The following COG7 variants were observed in gnomAD, a reference collection of about 807,000 sequenced individuals.
COG7 encodes component of oligomeric golgi complex 7, also known as conserved oligomeric Golgi complex subunit 7.
COG7 carries 49 observed loss-of-function variants against 91.5 expected under a neutral mutation model. That is an observed-to-expected ratio of 0.54 (90% CI 0.43 to 0.68). The LOEUF (loss-of-function observed/expected upper bound fraction) is 0.68, where lower values mean the gene tolerates loss of function less well. COG7 is among the 30% of genes least tolerant of loss of function. The pLI is 0.00. For missense variants in COG7, 895 were observed against 961.3 expected, an observed-to-expected ratio of 0.93 and a Z score of 0.91; for synonymous variants, 365 against 388.7, an observed-to-expected ratio of 0.94 and a Z score of 0.72.
At chr16:23,400,642 A>G (rs546180137) in intron 13 of COG7, among the ~76,000 whole-genome samples, 4 of 152,194 alleles carry the variant, frequency 2.6e-5, no homozygotes, top group Non-Finnish European at 4.4e-5. Context: ...GAAGAAGCGC[A>G]AGACAGAGTG....
chr16:23,416,996 C>G lies in COG7; in HGVS notation c.1263G>C (p.Leu421=), dbSNP rs1371185037. The G allele has an allele frequency of 6.2e-7, 1 of 1,614,224 alleles. No homozygotes were observed. Among genetic ancestry groups the G allele is most frequent in the South Asian group, 1.1e-5 (1 of 91,084 alleles). The stretch of plus-strand genomic sequence containing the variant: ...CAAAGAGGGATTTCAGGGCTGACAA[C>G]AGGCCGCAGGTCCCCAGGCCATTGG... The part of the protein sequence containing the change: ...RFTNGLGTCG[L]LSALKSLFAK... Residue 421 remains leucine (L), a synonymous_variant, in exon 9 of 17, where the codon CTG becomes CTC. Transcript: ENST00000307149.
chr16:23,403,643 G>C (rs779643665), intron 13 of COG7, 51 bp downstream of exon 13: 1 of 1,609,900 alleles, frequency 6.2e-7, no homozygotes, highest in Non-Finnish European at 8.5e-7. Flanking sequence ...CAGTATGCTT[G>C]AGTTGGAGGC....
intron 4 of COG7, among the ~76,000 whole-genome samples, chr16:23,435,179 C>G (rs900960707): frequency 5.3e-5 from 8 of 152,152 alleles, no homozygotes. Flanking sequence ...GCCTGGCCAA[C>G]ATGGCAAAAC....
intron 1 of COG7, among the ~76,000 whole-genome samples, chr16:23,451,137 G>A (rs1964258539): frequency 6.6e-6 from 1 of 152,206 alleles, no homozygotes; most frequent in Non-Finnish European, 1.5e-5. Context: ...AGGTTGCAGT[G>A]AGCTGAGATG....
intron 10 of COG7, chr16:23,413,090 A>G: frequency 3.6e-6 from 1 of 281,536 alleles, no homozygotes; most frequent in Non-Finnish European, 6.8e-6. Flanking sequence ...GGATCCGATC[A>G]CCTATGCATT....
chr16:23,433,572 C>T lies in COG7; in HGVS notation c.783G>A (p.Trp261Ter). ...TGLYDALLGA[W>*]HTQIQWATQV... ...GTGTAGCCCACTGGATTTGTGTGTG[C>T]CAAGCACCAAGCAAGGCATCATAGA... Residue 261 changes from tryptophan to a stop codon, truncating the protein, a stop_gained, in exon 6 of 17, where the codon TGG (tryptophan) becomes TGA (stop). Transcript: ENST00000307149. LOFTEE classifies it high-confidence loss of function. 1 of 1,614,038 alleles carries T rather than the reference C, an allele frequency of 6.2e-7. No individual in the cohort carries two copies.
rs202038832 is a variant in COG7 at position 23,434,695 on chromosome 16, C to T, written c.628G>A (p.Val210Met). 2.5e-6 allele frequency: 4 copies of T among 1,613,036 alleles called. No individual in the cohort carries two copies. Among genetic ancestry groups the T allele is most frequent in the Non-Finnish European group, 2.5e-6 (3 of 1,179,018 alleles). ...GGCATCCGGTCAATTTCAGTAAACA[C>T]CTTCACAAACACTTTGGACTGATCT... ...AVDQSKVFVK[V>M]FTEIDRMPQL... The change falls in exon 5 of 17, where the codon GTG (valine) becomes ATG (methionine). Residue 210 changes from valine (V) to methionine (M), a missense_variant. Coordinates refer to ENST00000307149, the MANE Select transcript of COG7 (RefSeq NM_153603.4).
At chr16:23,433,795 T>A in intron 5 of COG7, 128 bp from the exon 6 acceptor site, 1 of 938,630 alleles carries the variant, frequency 1.1e-6, no homozygotes, top group Non-Finnish European at 1.6e-6. Context: ...CCCAGTGAGG[T>A]CCATTCACTT....
intron 6 of COG7, among the ~76,000 whole-genome samples, chr16:23,433,099 T>C (rs1238790862): frequency 1.3e-5 from 2 of 152,162 alleles, no homozygotes; most frequent in Admixed American, 1.3e-4. Context: ...GTTATCGTTT[T>C]TTCTTTTGTT....
At chr16:23,414,282 C>G (rs1963616924) in intron 9 of COG7, 1 of 152,290 alleles carries the variant, frequency 6.6e-6, no homozygotes, top group African/African-American at 2.4e-5. Flanking sequence ...CACTTGAGCT[C>G]AAGGAGTTCG....
At chr16:23,432,255 G>A (rs557341144) in intron 6 of COG7, among the ~76,000 whole-genome samples, 9 of 152,176 alleles carry the variant, frequency 5.9e-5, no homozygotes, top group Middle Eastern at 3.4e-3. Context: ...GACATGACCC[G>A]GTATAAGGAA....
intron 7 of COG7, among the ~76,000 whole-genome samples, chr16:23,419,614 T>C (rs1243962190): frequency 6.7e-6 from 1 of 150,184 alleles, no homozygotes; most frequent in African/African-American, 2.5e-5. Context: ...CCGGGCGTAG[T>C]GGCGGGCACC....
intron 7 of COG7, among the ~76,000 whole-genome samples, chr16:23,422,764 C>T (rs967735126): frequency 6.6e-6 from 1 of 151,876 alleles, no homozygotes; most frequent in African/African-American, 2.4e-5. Context: ...TAATCTAGGT[C>T]AGGTGTGGTG....
chr16:23,402,399 A>G (rs909945631), intron 13 of COG7, among the ~76,000 whole-genome samples: 1 of 151,884 alleles, frequency 6.6e-6, no homozygotes, highest in African/African-American at 2.4e-5. Context: ...ATAAATACCT[A>G]TACAATTTTT....
chr16:23,410,155 C>T, intron 11 of COG7, 140 bp downstream of exon 11: 1 of 716,744 alleles, frequency 1.4e-6, no homozygotes, highest in South Asian at 1.5e-5. Flanking sequence ...TAATGACACG[C>T]TGTATCTAGG....
intron 4 of COG7, among the ~76,000 whole-genome samples, chr16:23,438,522 C>T (rs778964289): frequency 4.6e-5 from 7 of 152,126 alleles, no homozygotes; most frequent in Non-Finnish European, 7.4e-5. Flanking sequence ...TGCACCACTG[C>T]ATTCCAGCCT....
At chr16:23,401,886 T>C (rs1388905517) in intron 13 of COG7, among the ~76,000 whole-genome samples, 1 of 151,964 alleles carries the variant, frequency 6.6e-6, no homozygotes, top group Non-Finnish European at 1.5e-5. Context: ...CGAAACCCCG[T>C]CTCTACCAAA....
In COG7 at chr16:23,403,795, G is replaced by C. The variant is rs777724580; in HGVS notation, c.1702C>G (p.Arg568Gly). 1.9e-6 allele frequency: 3 copies of C among 1,614,230 alleles called. No individual in the cohort carries two copies. The highest frequency in any genetic ancestry group is 2.2e-5 in the East Asian group (1 of 44,890). ...TGGTTAAGCCGAGTCAGCGCTGCTC[G>C]AGGTGCAGCCAGCAGGTTGTGGTTG... ...SSNHNLLAAP[R>G]AALTRLNQQA... The change falls in exon 13 of 17, where the codon CGA becomes GGA. Residue 568 changes from arginine (R) to glycine (G), a missense_variant. Arg to Gly is a moderately radical substitution (Grantham distance 125). Coordinates refer to ENST00000307149, the MANE Select transcript of COG7 (RefSeq NM_153603.4).
rs1475203723 is a variant in COG7 at position 23,418,743 on chromosome 16, A to G, written c.1094T>C (p.Met365Thr). 8 of 1,614,048 alleles carry G rather than the reference A, an allele frequency of 5.0e-6. No homozygotes were observed. The highest frequency in any genetic ancestry group is 1.7e-5 in the Admixed American group (1 of 60,012). ...YKPYQLKYGD[M>T]EESNLLIQMS... The stretch of plus-strand genomic sequence containing the variant: ...CTGGATGAGGAGGTTGCTCTCTTCC[A>G]TGTCGCCATACTTCAGCTGGTAGGG... The change falls in exon 8 of 17, where the codon ATG becomes ACG. Residue 365 changes from methionine (M) to threonine (T), a missense_variant. By Grantham distance (81) the Met-to-Thr change is moderately conservative (BLOSUM62 -1). Coordinates refer to ENST00000307149, the MANE Select transcript of COG7 (RefSeq NM_153603.4).
Sources: allele counts gnomAD v4.1 joint callset (sites outside exome capture counted in the v4.1 genomes callset), GRCh38; gene constraint gnomAD v4.1.1; transcripts MANE v1.5; gene names NCBI Gene and HGNC (gene_info 2026-07-23, HGNC 2026-07-21).